Variants in KLHDC4 observed in about 807,000 individuals in gnomAD.
KLHDC4 encodes the protein kelch domain containing 4.
KLHDC4 carries 90 observed loss-of-function variants against 62.4 expected under a neutral mutation model. The observed-to-expected ratio is 1.44, with a 90% CI of 1.22 to 1.72. The LOEUF is 1.72. Ranked by LOEUF, KLHDC4 falls within the 40% of genes most tolerant of loss-of-function variation. KLHDC4 has a pLI of 0.00. For missense variants in KLHDC4, 1,025 were observed against 699.7 expected (o/e 1.47, Z -5.25); for synonymous variants, 386 against 284.4 (o/e 1.36, Z -3.59).
chr16:87,733,939 T>G (rs753556875), intron 5 of KLHDC4, among the ~76,000 whole-genome samples: 2 of 152,260 alleles, frequency 1.3e-5, no homozygotes, highest in Non-Finnish European at 2.9e-5. Flanking sequence ...AGTCAGTGCC[T>G]ATTTAGATAA....
intron 3 of KLHDC4, chr16:87,755,505 G>A: frequency 2.3e-6 from 1 of 435,638 alleles, no homozygotes; most frequent in Non-Finnish European, 4.3e-6. Context: ...CCATCAATCT[G>A]GAAGGTACTG....
intron 8 of KLHDC4, 92 bp from the exon 9 acceptor site, chr16:87,711,535 AGAATGGGGTAAAT>A (rs1334080938): frequency 9.3e-7 from 1 of 1,079,732 alleles, no homozygotes; most frequent in African/African-American, 1.6e-5. Flanking sequence ...GGTGCCCCCC[AGAATGGGGTAAAT>A]GAAAACCGTG....
rs1251605061 is a variant in KLHDC4, at chr16:87,762,202, C to A, written c.100-162G>T. On this transcript the variant is annotated intron_variant, in intron 1 of 11. Transcript: ENST00000270583. ...TTTGAAATGCAGAGTTTGACACATT[C>A]GAAAGTAACCAGAGCTTGACCTCAA... The A allele has an allele frequency of 2.8e-6, 4 of 1,404,156 alleles. No individual in the cohort carries two copies. In the African/African-American group the frequency reaches 4.4e-5, roughly 15 times the overall value. 87.0% of individuals were successfully genotyped at this position (1,404,156 alleles called of 1,614,324 possible). A position where few individuals can be genotyped will look rare whatever the true frequency, so the allele number is the denominator to read the frequency against.
At chr16:87,762,702 G>C (rs969896376) in intron 1 of KLHDC4, among the ~76,000 whole-genome samples, 5 of 152,100 alleles carry the variant, frequency 3.3e-5, no homozygotes, top group Non-Finnish European at 7.4e-5. Flanking sequence ...TACTACCATC[G>C]AGAGTGACTC....
chr16:87,714,435 GGGCTCTGCCTCCCGCCACACAC>G lies in KLHDC4; in HGVS notation c.835+41_835+62del, dbSNP rs975055619. 2.6e-5 allele frequency: 41 copies of G among 1,603,364 alleles called. No homozygotes were observed. In the African/African-American group the frequency reaches 4.8e-4, roughly 19 times the overall value. ...CAGCCCCACATCCATGGGAGGGTGT[GGGCTCTGCCTCCCGCCACACAC>G]AGACCAGCCAGCTCCCGCCCTGGAG... On this transcript the variant is annotated intron_variant, in intron 8 of 11. Coordinates refer to ENST00000270583, the MANE Select transcript of KLHDC4 (RefSeq NM_017566.4).
intron 5 of KLHDC4, among the ~76,000 whole-genome samples, chr16:87,746,758 T>TG (rs1186906951): frequency 2.0e-5 from 3 of 152,176 alleles, no homozygotes; most frequent in Admixed American, 6.5e-5. Flanking sequence ...AGACTGGAAC[T>TG]GGGGGCCAAG....
chr16:87,732,178 C>T (rs1277684470), intron 5 of KLHDC4, among the ~76,000 whole-genome samples: 2 of 151,806 alleles, frequency 1.3e-5, no homozygotes, highest in Non-Finnish European at 2.9e-5. Flanking sequence ...TCCCTGCAAC[C>T]TCCGCCTCCA....
rs373048168 is a variant in KLHDC4, at chr16:87,758,062, G to A, written c.192-1585C>T. Among the ~76,000 whole-genome samples the A allele has an allele frequency of 5.3e-5, 8 of 152,122 alleles. No homozygotes were observed. The East Asian group carries it at 1.2e-3, about 22-fold the overall frequency. ...CCAACTCCAAAAGATGTTTCTCAAAGGAAAAACAGGTTTCAAGGTCAAGTG... is the reference window on the plus strand; with the variant it reads ...CCAACTCCAAAAGATGTTTCTCAAAAGAAAAACAGGTTTCAAGGTCAAGTG... On this transcript the variant is annotated intron_variant, in intron 2 of 11. Coordinates refer to ENST00000270583, the MANE Select transcript of KLHDC4 (RefSeq NM_017566.4).
intron 4 of KLHDC4, among the ~76,000 whole-genome samples, chr16:87,754,737 G>A (rs1011311980): frequency 2.6e-5 from 4 of 152,168 alleles, no homozygotes; most frequent in Non-Finnish European, 4.4e-5. Context: ...AGCTGACACT[G>A]CTCTCCTGGG....
chr16:87,749,338 G>A (rs1045181345), intron 4 of KLHDC4, among the ~76,000 whole-genome samples: 7 of 151,982 alleles, frequency 4.6e-5, no homozygotes, highest in African/African-American at 1.2e-4. Flanking sequence ...GACAGATCAC[G>A]AGATCAAGAA....
intron 4 of KLHDC4, among the ~76,000 whole-genome samples, chr16:87,753,640 A>T (rs191578282): frequency 1.2e-3 from 176 of 151,778 alleles, no homozygotes; most frequent in Middle Eastern, 3.4e-3. Context: ...TCTCTACTGA[A>T]AATACAAAAA....
At chr16:87,746,759 G>A (rs1460405424) in intron 5 of KLHDC4, among the ~76,000 whole-genome samples, 1 of 152,188 alleles carries the variant, frequency 6.6e-6, no homozygotes, top group Non-Finnish European at 1.5e-5. Flanking sequence ...GACTGGAACT[G>A]GGGGCCAAGA....
intron 6 of KLHDC4, 70 bp downstream of exon 6, chr16:87,730,482 T>A (rs1293852706): frequency 7.9e-7 from 1 of 1,265,970 alleles, no homozygotes; most frequent in Non-Finnish European, 1.1e-6. Context: ...GTATTCAGAA[T>A]GCTCTTTCTA....
intron 8 of KLHDC4, among the ~76,000 whole-genome samples, chr16:87,712,054 G>C (rs965903091): frequency 8.5e-5 from 13 of 152,266 alleles, no homozygotes; most frequent in South Asian, 4.1e-4. Context: ...CCTTCGCCCG[G>C]GGGCTGCAGT....
At chr16:87,707,204 C>G (rs546554551), downstream of KLHDC4, among the ~76,000 whole-genome samples, 1 of 152,228 alleles carries the variant, frequency 6.6e-6, no homozygotes, top group East Asian at 1.9e-4. Context: ...AGTTAGCGCA[C>G]CACAGCCTTC....
At chr16:87,720,302 A>C (rs1421121786) in intron 7 of KLHDC4, among the ~76,000 whole-genome samples, 1 of 152,186 alleles carries the variant, frequency 6.6e-6, no homozygotes, top group Non-Finnish European at 1.5e-5. Flanking sequence ...CACCGAAATC[A>C]CAATCAGGCA....
At chr16:87,743,297 G>A (rs1597263524) in intron 5 of KLHDC4, among the ~76,000 whole-genome samples, 1 of 152,082 alleles carries the variant, frequency 6.6e-6, no homozygotes, top group African/African-American at 2.4e-5. Context: ...GTCTTACTAT[G>A]TTGTCCCGGC....
At chr16:87,750,394 G>C (rs931620642) in intron 4 of KLHDC4, 2 of 152,328 alleles carry the variant, frequency 1.3e-5, no homozygotes, top group African/African-American at 4.8e-5. Context: ...TCGCCTGACT[G>C]TAACGCACCT....
Position 87,762,171 on chromosome 16 carries a change from T to C in KLHDC4, c.100-131A>G. On this transcript the variant is annotated intron_variant, in intron 1 of 11. Transcript: ENST00000270583. Reference sequence around the variant, plus strand: ...CACATCTGTGAATTGCAACATACTGTGCCTGTTTGAAATGCAGAGTTTGAC... The same window carrying C: ...CACATCTGTGAATTGCAACATACTGCGCCTGTTTGAAATGCAGAGTTTGAC... 3.4e-6 allele frequency: 5 copies of C among 1,484,550 alleles called. No individual in the cohort carries two copies. In the South Asian group the frequency reaches 6.9e-5, roughly 21 times the overall value. The allele number at this position is 1,484,550 out of a possible 1,614,324, so 92.0% of individuals were successfully genotyped here. A position where few individuals can be genotyped will look rare whatever the true frequency, so the allele number is the denominator to read the frequency against.
Sources: allele counts gnomAD v4.1 joint callset (sites outside exome capture counted in the v4.1 genomes callset), GRCh38; gene constraint gnomAD v4.1.1; transcripts MANE v1.5; gene names NCBI Gene and HGNC (gene_info 2026-07-23, HGNC 2026-07-21).